Variants in SNTG1 observed in about 807,000 individuals in gnomAD.
SNTG1 encodes the protein syntrophin gamma 1, also known as gamma-1-syntrophin.
In SNTG1, 39 loss-of-function variants were observed where a neutral mutation model predicts 74.7. That is an observed-to-expected ratio of 0.52 (90% CI 0.40 to 0.68). SNTG1 has a LOEUF of 0.68. Ranked by LOEUF, SNTG1 falls within the 30% of genes least tolerant of loss-of-function variation. SNTG1 has a pLI of 0.00. For synonymous variants in SNTG1, 254 were observed against 217.1 expected (o/e 1.17, Z -1.49); for missense variants, 685 against 609.5 (o/e 1.12, Z -1.30).
intron 15 of SNTG1, among the ~76,000 whole-genome samples, chr8:50,666,731 CT>C (rs1475828896): frequency 6.6e-6 from 1 of 151,826 alleles, no homozygotes; most frequent in Non-Finnish European, 1.5e-5. Flanking sequence ...TAAGACAGTG[CT>C]AAAACTGTGC....
chr8:50,748,872 T>C (rs955403106), intron 17 of SNTG1, among the ~76,000 whole-genome samples: 1 of 152,028 alleles, frequency 6.6e-6, no homozygotes, highest in African/African-American at 2.4e-5. Context: ...CCTCTCTCCC[T>C]GTACTTAGGC....
chr8:50,561,687 G>A (rs189968273), intron 12 of SNTG1, among the ~76,000 whole-genome samples: 13 of 152,154 alleles, frequency 8.5e-5, no homozygotes, highest in Non-Finnish European at 1.5e-4. Context: ...AATGGTTAAG[G>A]CCTGGCTATG....
At chr8:50,376,740 T>TAG (rs2092391295) in intron 2 of SNTG1, among the ~76,000 whole-genome samples, 1 of 95,294 alleles carries the variant, frequency 1.0e-5, no homozygotes, top group Admixed American at 1.2e-4. Flanking sequence ...TATATATATA[T>TAG]ATATATATAT....
At chr8:50,243,180 T>TA (rs1554617628) in intron 2 of SNTG1, among the ~76,000 whole-genome samples, 2 of 4,302 alleles carry the variant, frequency 4.6e-4, no homozygotes, top group South Asian at 0.12. Flanking sequence ...TGAATTATCT[T>TA]ATATATTTGA....
rs185427328 is a variant in SNTG1, at chr8:50,669,159, C to A, written c.1038+10496C>A. ...AAGCGAGAGCAAACACATTCAAAAG[C>A]TAGCAGAAGGCAAGAAATAACTAAA... On this transcript the variant is annotated intron_variant, in intron 15 of 18. Coordinates refer to ENST00000642720, the MANE Select transcript of SNTG1 (RefSeq NM_018967.5). 1.4e-3 allele frequency among the ~76,000 whole-genome samples: 209 copies of A among 151,786 alleles called. 2 individuals carry two copies. Among genetic ancestry groups the A allele is most frequent in the Middle Eastern group, 0.01 (3 of 294 alleles).
intron 8 of SNTG1, among the ~76,000 whole-genome samples, chr8:50,500,508 A>G (rs940253222): frequency 6.6e-6 from 1 of 152,142 alleles, no homozygotes; most frequent in Non-Finnish European, 1.5e-5. Context: ...CTTGTCAGAG[A>G]GTTCCAATAT....
intron 18 of SNTG1, among the ~76,000 whole-genome samples, chr8:50,786,040 G>A (rs959486132): frequency 1.3e-5 from 2 of 151,952 alleles, no homozygotes; most frequent in African/African-American, 4.8e-5. Flanking sequence ...AGAAAAGGAT[G>A]TATGCCCTCC....
In SNTG1 at chr8:50,654,310, T is replaced by A. The variant is rs188270567; in HGVS notation, c.850-2599T>A. On this transcript the variant is annotated intron_variant, in intron 13 of 18. Transcript: ENST00000642720. ...CTCCAATCATCATTCTAGACCTTTT[T>A]TACTGAGCCATCTTTCTATTCACTA... is the stretch of plus-strand genomic sequence containing the variant. 3.0e-3 allele frequency among the ~76,000 whole-genome samples: 463 copies of A among 152,290 alleles called. 3 individuals carry two copies. Among genetic ancestry groups the A allele is most frequent in the African/African-American group, 0.011 (446 of 41,576 alleles).
chr8:50,633,702 A>G (rs2095019318), intron 13 of SNTG1, among the ~76,000 whole-genome samples: 1 of 152,262 alleles, frequency 6.6e-6, no homozygotes, highest in East Asian at 1.9e-4. Context: ...GAGCTGGGGA[A>G]CTTTGTGTAG....
chr8:50,171,130 G>A (rs1264467732), intron 1 of SNTG1, among the ~76,000 whole-genome samples: 2 of 152,142 alleles, frequency 1.3e-5, no homozygotes, highest in Non-Finnish European at 2.9e-5. Context: ...CCAGTCCACA[G>A]CCAAGAGGCA....
At chr8:49,940,680 C>T (rs895706311) in intron 1 of SNTG1, among the ~76,000 whole-genome samples, 3 of 152,084 alleles carry the variant, frequency 2.0e-5, no homozygotes, top group African/African-American at 7.2e-5. Flanking sequence ...CAATATTGTA[C>T]TAACAACAGA....
chr8:50,348,611 C>T (rs1306124641), intron 2 of SNTG1, among the ~76,000 whole-genome samples: 1 of 152,130 alleles, frequency 6.6e-6, no homozygotes, highest in Non-Finnish European at 1.5e-5. Flanking sequence ...TCAGAAATCC[C>T]TTCCTTGATT....
Position 50,086,019 on chromosome 8 carries a change from G to A in SNTG1, c.-102-86542G>A, listed in dbSNP as rs113580983. Among the ~76,000 whole-genome samples, 11 of 151,152 alleles carry A rather than the reference G, an allele frequency of 7.3e-5. 1 individual carries two copies. Among genetic ancestry groups the A allele is most frequent in the African/African-American group, 2.5e-4 (10 of 40,560 alleles). On this transcript the variant is annotated intron_variant, in intron 1 of 18. Transcript: ENST00000642720. ...GATGAGTTCATACCCAGATTAAACT[G>A]GAATTCTCTGAGAGAAAGAAAAAAA...
chr8:50,165,647 C>A (rs1015331807), intron 1 of SNTG1, among the ~76,000 whole-genome samples: 6 of 152,130 alleles, frequency 3.9e-5, no homozygotes, highest in Non-Finnish European at 8.8e-5. Flanking sequence ...TATGGCCATG[C>A]CATTTTTATT....
intron 8 of SNTG1, among the ~76,000 whole-genome samples, chr8:50,475,925 A>G (rs2093693740): frequency 6.6e-6 from 1 of 152,182 alleles, no homozygotes; most frequent in South Asian, 2.1e-4. Context: ...CAAAAACGTG[A>G]AGTGGAAAAC....
At chr8:50,440,077 C>T (rs76159481) in intron 5 of SNTG1, among the ~76,000 whole-genome samples, 1 of 151,200 alleles carries the variant, frequency 6.6e-6, no homozygotes, top group South Asian at 2.1e-4. Context: ...TTATTTCAAT[C>T]CAATCAAAAC....
At chr8:50,076,104 T>G (rs1309966211) in intron 1 of SNTG1, among the ~76,000 whole-genome samples, 1 of 152,168 alleles carries the variant, frequency 6.6e-6, no homozygotes, top group Admixed American at 6.5e-5. Flanking sequence ...AAGCGAAGTG[T>G]AGTAAAATGA....
chr8:50,252,160 AAT>A (rs2086672764), intron 2 of SNTG1, among the ~76,000 whole-genome samples: 3 of 152,160 alleles, frequency 2.0e-5, no homozygotes, highest in South Asian at 2.1e-4. Flanking sequence ...TCTTGAAACA[AAT>A]GATAATAAAA....
At chr8:50,299,449 T>C (rs2089544095) in intron 2 of SNTG1, among the ~76,000 whole-genome samples, 1 of 152,180 alleles carries the variant, frequency 6.6e-6, no homozygotes, top group Non-Finnish European at 1.5e-5. Context: ...GTAAACTCTT[T>C]GGAATCTTAC....
Sources: allele counts gnomAD v4.1 joint callset (sites outside exome capture counted in the v4.1 genomes callset), GRCh38; gene constraint gnomAD v4.1.1; transcripts MANE v1.5; gene names NCBI Gene and HGNC (gene_info 2026-07-23, HGNC 2026-07-21).